PDE11A: variants seen among roughly 807,000 people sequenced by gnomAD.
PDE11A encodes dual 3',5'-cyclic-AMP and -GMP phosphodiesterase 11A.
PDE11A carries 100 observed loss-of-function variants against 100.5 expected under a neutral mutation model. The observed-to-expected ratio is 1.00, with a 90% CI of 0.85 to 1.18. The LOEUF is 1.18. Among genes scored for constraint, PDE11A ranks in the 50% most tolerant of loss-of-function variants. The pLI, the probability that PDE11A is intolerant of heterozygous loss-of-function variation, is 0.00. For missense variants in PDE11A, 1,141 were observed against 1,152.6 expected, an observed-to-expected ratio of 0.99 and a Z score of 0.15; for synonymous variants, 381 against 420.8, an observed-to-expected ratio of 0.91 and a Z score of 1.16.
At chr2:177,736,489 G>C (rs907428293) in intron 10 of PDE11A, among the ~76,000 whole-genome samples, 4 of 151,604 alleles carry the variant, frequency 2.6e-5, no homozygotes, top group Admixed American at 6.6e-5. Context: ...TCCAGCAGGG[G>C]TGACAGAGTG....
intron 4 of PDE11A, among the ~76,000 whole-genome samples, chr2:177,881,552 C>T (rs2084343249): frequency 6.6e-6 from 1 of 152,198 alleles, no homozygotes. Flanking sequence ...AGGCAATATA[C>T]ATGTGGCATT....
intron 2 of PDE11A, among the ~76,000 whole-genome samples, chr2:177,915,515 T>C (rs933452286): frequency 2.0e-5 from 3 of 152,250 alleles, no homozygotes; most frequent in South Asian, 4.1e-4. Context: ...CATAATTTCA[T>C]GGCTTAATAG....
At chr2:177,916,165 T>C (rs2084950604) in intron 2 of PDE11A, among the ~76,000 whole-genome samples, 2 of 152,230 alleles carry the variant, frequency 1.3e-5, no homozygotes, top group Non-Finnish European at 2.9e-5. Context: ...GGGTTCAGTC[T>C]TTGGTCTTCT....
intron 1 of PDE11A, among the ~76,000 whole-genome samples, chr2:178,044,391 TTA>T (rs142521779): frequency 4.6e-4 from 68 of 147,172 alleles, no homozygotes; most frequent in African/African-American, 1.4e-3. Context: ...TATATAAACT[TTA>T]TATGTTTATA....
intron 2 of PDE11A, among the ~76,000 whole-genome samples, chr2:178,088,409 T>C (rs549067470): frequency 2.4e-4 from 37 of 152,348 alleles, no homozygotes; most frequent in African/African-American, 8.4e-4. Context: ...AAATGATATG[T>C]TGTTTCCCAC....
At chr2:177,900,071 A>T (rs2084673270) in intron 3 of PDE11A, among the ~76,000 whole-genome samples, 1 of 152,120 alleles carries the variant, frequency 6.6e-6, no homozygotes, top group Non-Finnish European at 1.5e-5. Context: ...TTGTTTGCTC[A>T]GGTCAGGTAT....
intron 3 of PDE11A, among the ~76,000 whole-genome samples, chr2:177,900,588 T>C (rs918163254): frequency 6.6e-6 from 1 of 152,132 alleles, no homozygotes; most frequent in African/African-American, 2.4e-5. Flanking sequence ...AAACCCTGTC[T>C]CTACTAAAAA....
intron 1 of PDE11A, chr2:178,105,730 G>A (rs1197776122): frequency 4.5e-6 from 5 of 1,110,646 alleles, no homozygotes; most frequent in African/African-American, 3.2e-5. Flanking sequence ...CTGCAGCCTG[G>A]CACCCAATAT....
At chr2:178,064,074 G>A (rs1298972335) in intron 1 of PDE11A, among the ~76,000 whole-genome samples, 1 of 152,070 alleles carries the variant, frequency 6.6e-6, no homozygotes, top group Non-Finnish European at 1.5e-5. Context: ...GATGATTAGA[G>A]GTTTACAAAA....
At chr2:177,972,543 A>C (rs930096294) in intron 2 of PDE11A, among the ~76,000 whole-genome samples, 2 of 152,188 alleles carry the variant, frequency 1.3e-5, no homozygotes, top group Non-Finnish European at 2.9e-5. Context: ...AGAGAGAGAG[A>C]GATGTGGAAA....
At chr2:177,734,093 G>A (rs1424669930) in intron 10 of PDE11A, among the ~76,000 whole-genome samples, 2 of 152,138 alleles carry the variant, frequency 1.3e-5, no homozygotes, top group Non-Finnish European at 2.9e-5. Context: ...ACTGGAGTTT[G>A]GGATTTATAT....
At chr2:178,007,794 T>C (rs951207987) in intron 2 of PDE11A, among the ~76,000 whole-genome samples, 2 of 152,120 alleles carry the variant, frequency 1.3e-5, no homozygotes, top group Admixed American at 1.3e-4. Flanking sequence ...AACCTCTGCC[T>C]CCCGGGTTCA....
chr2:177,631,594 T>C lies in PDE11A; in HGVS notation c.2647-2032A>G, dbSNP rs866432902. ...ACATGTATATATATATACACACACATATATATGTGTGTATATATATACATA... is the reference window on the plus strand; with the variant it reads ...ACATGTATATATATATACACACACACATATATGTGTGTATATATATACATA... On this transcript the variant is annotated intron_variant, in intron 19 of 19. Coordinates refer to ENST00000286063, the MANE Select transcript of PDE11A (RefSeq NM_016953.4). Among the ~76,000 whole-genome samples, 24 of 36,810 alleles carry C rather than the reference T, an allele frequency of 6.5e-4. 2 individuals are homozygous for C. Among genetic ancestry groups the C allele is most frequent in the Admixed American group, 2.3e-3 (6 of 2,656 alleles). 24.1% of individuals were successfully genotyped at this position (36,810 alleles called of 152,430 possible).
chr2:178,026,449 G>A (rs1353355554), intron 1 of PDE11A, among the ~76,000 whole-genome samples: 1 of 152,078 alleles, frequency 6.6e-6, no homozygotes, highest in Admixed American at 6.5e-5. Flanking sequence ...ATCACTTGAG[G>A]TCAGGAGTCA....
chr2:177,876,622 T>C (rs1333381384), intron 4 of PDE11A, among the ~76,000 whole-genome samples: 2 of 148,472 alleles, frequency 1.3e-5, no homozygotes, highest in Admixed American at 6.6e-5. Context: ...TTTGATTATT[T>C]CTTTATTATA....
At chr2:177,991,124 G>A (rs541710921) in intron 2 of PDE11A, among the ~76,000 whole-genome samples, 10 of 150,750 alleles carry the variant, frequency 6.6e-5, no homozygotes, top group South Asian at 2.1e-4. Flanking sequence ...AGGAGTTCGA[G>A]ATTAGCCTGG....
At chr2:178,069,613 T>C (rs16866043) in intron 1 of PDE11A, among the ~76,000 whole-genome samples, 2,244 of 151,864 alleles carry the variant, frequency 0.015, 43 homozygotes, top group East Asian at 0.091. Flanking sequence ...TCTTTCCCAA[T>C]GTCAGCTTCC....
intron 19 of PDE11A, among the ~76,000 whole-genome samples, chr2:177,652,387 G>A (rs760272663): frequency 2.0e-5 from 3 of 152,180 alleles, no homozygotes; most frequent in Non-Finnish European, 4.4e-5. Flanking sequence ...GCCTGCAGAC[G>A]GCTAGGTGAG....
intron 8 of PDE11A, among the ~76,000 whole-genome samples, chr2:177,817,424 A>G (rs369709042): frequency 6.6e-6 from 1 of 152,190 alleles, no homozygotes; most frequent in African/African-American, 2.4e-5. Flanking sequence ...CATGTTGGCT[A>G]CTGGTACAGT....
Sources: allele counts gnomAD v4.1 joint callset (sites outside exome capture counted in the v4.1 genomes callset), GRCh38; gene constraint gnomAD v4.1.1; transcripts MANE v1.5; gene names NCBI Gene and HGNC (gene_info 2026-07-23, HGNC 2026-07-21).